RAB2A: variants seen among roughly 807,000 people sequenced by gnomAD.
RAB2A encodes the protein ras-related protein Rab-2A.
In RAB2A, 7 loss-of-function variants were observed where a neutral mutation model predicts 32.5. That is an observed-to-expected ratio of 0.22 (90% CI 0.12 to 0.40). RAB2A has a LOEUF of 0.40. Ranked by LOEUF, RAB2A falls within the 10% of genes least tolerant of loss-of-function variation. The pLI is 1.00. For missense variants in RAB2A, 108 were observed against 260.7 expected (o/e 0.41, Z 4.03); for synonymous variants, 79 against 85.2 (o/e 0.93, Z 0.40).
chr8:60,606,374 A>C (rs1364908672), intron 6 of RAB2A, among the ~76,000 whole-genome samples: 1 of 152,200 alleles, frequency 6.6e-6, no homozygotes, highest in Non-Finnish European at 1.5e-5. Flanking sequence ...GAATACTCTT[A>C]AATATTTTAG....
intron 3 of RAB2A, among the ~76,000 whole-genome samples, chr8:60,581,879 T>A (rs1332397609): frequency 6.6e-6 from 1 of 151,296 alleles, no homozygotes; most frequent in African/African-American, 2.4e-5. Context: ...TAAAAAACAA[T>A]CAATTTAAAA....
intron 2 of RAB2A, among the ~76,000 whole-genome samples, chr8:60,569,103 T>C (rs558507236): frequency 6.6e-6 from 1 of 152,340 alleles, no homozygotes; most frequent in African/African-American, 2.4e-5. Flanking sequence ...GAAAGAGTTA[T>C]ATTTCTGAAG....
chr8:60,608,357 G>A (rs900221801), intron 6 of RAB2A, among the ~76,000 whole-genome samples: 1 of 151,786 alleles, frequency 6.6e-6, no homozygotes, highest in African/African-American at 2.4e-5. Flanking sequence ...AGTCCTTTGG[G>A]AATATTTGAT....
intron 1 of RAB2A, among the ~76,000 whole-genome samples, chr8:60,521,935 T>C (rs1174462756): frequency 6.6e-6 from 1 of 152,164 alleles, no homozygotes; most frequent in Non-Finnish European, 1.5e-5. Context: ...ATTTGTTTCT[T>C]TGATGCAAGT....
chr8:60,548,631 C>T (rs150883915), intron 1 of RAB2A, among the ~76,000 whole-genome samples: 26,505 of 134,990 alleles, frequency 0.2, 2,842 homozygotes, highest in Middle Eastern at 0.31. Context: ...GGCGGCTGGC[C>T]GAGCGGGGGG....
At chr8:60,569,941 T>C in intron 2 of RAB2A, 1 of 456,102 alleles carries the variant, frequency 2.2e-6, no homozygotes, top group Non-Finnish European at 4.4e-6. Context: ...AAACTTGGTC[T>C]TGGAATTGGG....
chr8:60,527,054 G>A (rs1167446827), intron 1 of RAB2A, among the ~76,000 whole-genome samples: 1 of 152,038 alleles, frequency 6.6e-6, no homozygotes, highest in Non-Finnish European at 1.5e-5. Context: ...TCCACAGGCT[G>A]TAAAGGAAGC....
At chr8:60,566,380 T>C (rs1252101558) in intron 2 of RAB2A, among the ~76,000 whole-genome samples, 1 of 152,226 alleles carries the variant, frequency 6.6e-6, no homozygotes, top group Non-Finnish European at 1.5e-5. Context: ...TTAAGAACTA[T>C]TTATCTTCTC....
In RAB2A at chr8:60,591,306, T is replaced by TCTCC. The variant is rs1019344684; in HGVS notation, c.363-536_363-533dup. 3.3e-5 allele frequency among the ~76,000 whole-genome samples: 5 copies of TCTCC among 151,600 alleles called. 1 individual carries two copies. The highest frequency in any genetic ancestry group is 9.7e-5 in the African/African-American group (4 of 41,438). On this transcript the variant is annotated intron_variant, in intron 5 of 7. Coordinates refer to ENST00000262646, the MANE Select transcript of RAB2A (RefSeq NM_002865.3). ...TCCTTTTCTGTCTCTCTCTACTCCT[T>TCTCC]CTCCCTCCCTCCCTCCCTCTCTCTC... is the stretch of plus-strand genomic sequence containing the variant.
At chr8:60,619,631 TTGAG>T (rs558247158) in intron 7 of RAB2A, among the ~76,000 whole-genome samples, 94 of 152,354 alleles carry the variant, frequency 6.2e-4, no homozygotes, top group African/African-American at 2.2e-3. Context: ...ACGGTACTTC[TTGAG>T]TTAGTTTAAA....
intron 5 of RAB2A, among the ~76,000 whole-genome samples, chr8:60,591,385 A>T (rs1189857256): frequency 6.6e-6 from 1 of 151,232 alleles, no homozygotes; most frequent in Non-Finnish European, 1.5e-5. Flanking sequence ...ACAAACTGGG[A>T]TCAATGATGT....
intron 3 of RAB2A, among the ~76,000 whole-genome samples, chr8:60,580,496 A>G (rs1803726590): frequency 2.0e-5 from 3 of 152,196 alleles, no homozygotes. Context: ...GAGTTGTGAT[A>G]GTTTTCAGAT....
At chr8:60,551,540 ACTT>A (rs1807847506) in intron 1 of RAB2A, among the ~76,000 whole-genome samples, 1 of 152,234 alleles carries the variant, frequency 6.6e-6, no homozygotes, top group African/African-American at 2.4e-5. Flanking sequence ...TTATTAACCT[ACTT>A]CTTACAGGTT....
intron 1 of RAB2A, among the ~76,000 whole-genome samples, chr8:60,544,635 A>G (rs1365959766): frequency 1.5e-5 from 2 of 136,620 alleles, no homozygotes; most frequent in African/African-American, 5.6e-5. Flanking sequence ...GCCTCAAGTG[A>G]TTCTCCCACC....
chr8:60,556,224 A>G (rs558127507), intron 1 of RAB2A, among the ~76,000 whole-genome samples: 1 of 152,294 alleles, frequency 6.6e-6, no homozygotes, highest in East Asian at 1.9e-4. Flanking sequence ...GGTAGGGGAA[A>G]GGTGAGGATA....
At chr8:60,600,332 G>A (rs1804111967) in intron 6 of RAB2A, among the ~76,000 whole-genome samples, 1 of 152,086 alleles carries the variant, frequency 6.6e-6, no homozygotes, top group Non-Finnish European at 1.5e-5. Context: ...AAAAAAGAAA[G>A]AAAAACACCC....
Position 60,547,730 on chromosome 8 carries a change from G to A in RAB2A, c.47-11122G>A, listed in dbSNP as rs866527435. On this transcript the variant is annotated intron_variant, in intron 1 of 7. Coordinates refer to ENST00000262646, the MANE Select transcript of RAB2A (RefSeq NM_002865.3). ...TGACCCCCCCACCTCCCTCCCGGAC[G>A]GGGCGGCTGGCCAGGCAGAGTGGCT... Among the ~76,000 whole-genome samples the A allele has an allele frequency of 3.1e-3, 355 of 112,728 alleles. 16 individuals are homozygous for A. The South Asian group carries it at 0.046, about 14-fold the overall frequency. 74.0% of individuals were successfully genotyped at this position (112,728 alleles called of 152,430 possible).
At chr8:60,617,889 A>G (rs1039510114) in intron 6 of RAB2A, among the ~76,000 whole-genome samples, 18 of 152,154 alleles carry the variant, frequency 1.2e-4, no homozygotes, top group Non-Finnish European at 2.6e-4. Flanking sequence ...TTTCTCTTCC[A>G]TCTAGCTTCT....
chr8:60,570,429 C>T (rs1284507008), intron 2 of RAB2A, among the ~76,000 whole-genome samples: 3 of 152,082 alleles, frequency 2.0e-5, no homozygotes, highest in African/African-American at 7.2e-5. Context: ...TTTCAAAGAA[C>T]ATCTGTATCT....
Sources: gnomAD v4.1 joint callset for allele counts (sites outside exome capture counted in the v4.1 genomes callset) on GRCh38, gnomAD v4.1.1 for gene constraint, MANE v1.5 for transcripts, NCBI Gene and HGNC (gene_info 2026-07-23, HGNC 2026-07-21) for gene names.